The following SRBD1 variants were observed in gnomAD, a reference collection of about 807,000 sequenced individuals.
SRBD1 encodes S1 RNA-binding domain-containing protein 1.
SRBD1 carries 88 observed loss-of-function variants against 115.3 expected under a neutral mutation model. The ratio of observed to expected loss-of-function variants is 0.76; its 90% CI spans 0.64 to 0.91. SRBD1 has a LOEUF of 0.91. Among genes scored for constraint, SRBD1 ranks in the 40% least tolerant of loss-of-function variants. The pLI is 0.00. For synonymous variants in SRBD1, 509 were observed against 407.7 expected (o/e 1.25, Z -2.99); for missense variants, 1,385 against 1,177.4 (o/e 1.18, Z -2.58).
At chr2:45,560,237 G>A (rs1404034651) in intron 10 of SRBD1, among the ~76,000 whole-genome samples, 2 of 151,964 alleles carry the variant, frequency 1.3e-5, no homozygotes, top group Non-Finnish European at 2.9e-5. Flanking sequence ...AATAAGCCAT[G>A]GAAAAATAAA....
intron 19 of SRBD1, among the ~76,000 whole-genome samples, chr2:45,403,484 C>T (rs549513479): frequency 1.3e-5 from 2 of 152,082 alleles, no homozygotes; most frequent in East Asian, 1.9e-4. Context: ...CAAACATTGC[C>T]GTATCAGTAT....
Position 45,543,958 on chromosome 2 carries a change from C to A in SRBD1, c.1874+2774G>T, listed in dbSNP as rs150515800. Among the ~76,000 whole-genome samples the A allele has an allele frequency of 5.1e-3, 772 of 152,140 alleles. 1 individual carries two copies. Among genetic ancestry groups the A allele is most frequent in the Middle Eastern group, 0.014 (4 of 294 alleles). On this transcript the variant is annotated intron_variant, in intron 14 of 20. Coordinates refer to ENST00000263736, the MANE Select transcript of SRBD1 (RefSeq NM_018079.5). ...ACCATCCAAAGCAAGTCTTAAATTG[C>A]AACAAAATGGGGCTCTTCTGAAAGA...
intron 16 of SRBD1, among the ~76,000 whole-genome samples, chr2:45,446,376 G>A (rs986688431): frequency 6.6e-6 from 1 of 152,124 alleles, no homozygotes; most frequent in Non-Finnish European, 1.5e-5. Flanking sequence ...AGAGCAGGGA[G>A]TCCCCTAACC....
intron 4 of SRBD1, among the ~76,000 whole-genome samples, chr2:45,588,369 A>G (rs1011928411): frequency 6.6e-6 from 1 of 152,296 alleles, no homozygotes. Context: ...TTTGCTCTTA[A>G]GAGGCCTTCA....
At chr2:45,553,120 C>G (rs111533302) in intron 11 of SRBD1, among the ~76,000 whole-genome samples, 61 of 152,262 alleles carry the variant, frequency 4.0e-4, no homozygotes, top group African/African-American at 1.1e-3. Context: ...CATCTTCTGT[C>G]CTGAAAACAA....
intron 16 of SRBD1, among the ~76,000 whole-genome samples, chr2:45,461,168 T>C (rs766093371): frequency 3.9e-5 from 6 of 152,208 alleles, no homozygotes; most frequent in Non-Finnish European, 7.3e-5. Context: ...AATGTAGGGA[T>C]CTGAAGAGAA....
chr2:45,413,714 G>T (rs1667674373), intron 18 of SRBD1, among the ~76,000 whole-genome samples: 2 of 152,096 alleles, frequency 1.3e-5, no homozygotes, highest in Non-Finnish European at 1.5e-5. Context: ...GATCACCTGA[G>T]GTCAGGAGTT....
At chr2:45,396,061 G>A (rs958593239) in intron 19 of SRBD1, among the ~76,000 whole-genome samples, 1 of 151,938 alleles carries the variant, frequency 6.6e-6, no homozygotes, top group Admixed American at 6.6e-5. Context: ...GTCAGACATT[G>A]TTCTAAATAG....
chr2:45,396,080 C>T (rs560880828), intron 19 of SRBD1, among the ~76,000 whole-genome samples: 2 of 151,902 alleles, frequency 1.3e-5, no homozygotes, highest in African/African-American at 4.8e-5. Context: ...AGATTTTTCT[C>T]GTTTAATCAT....
chr2:45,577,135 T>G (rs1443363790), intron 7 of SRBD1, among the ~76,000 whole-genome samples: 1 of 152,226 alleles, frequency 6.6e-6, no homozygotes, highest in East Asian at 1.9e-4. Context: ...GAGCTACTTC[T>G]AGAGCAGTGG....
chr2:45,470,954 A>G (rs184876479), intron 16 of SRBD1, among the ~76,000 whole-genome samples: 2 of 152,296 alleles, frequency 1.3e-5, no homozygotes, highest in Admixed American at 6.5e-5. Flanking sequence ...TTGAAATAAT[A>G]TTATAGCTTC....
At chr2:45,441,042 T>A (rs73925662) in intron 16 of SRBD1, among the ~76,000 whole-genome samples, 1,654 of 152,332 alleles carry the variant, frequency 0.011, 27 homozygotes, top group African/African-American at 0.03. Context: ...TCTTCCCAAA[T>A]ACACATACAT....
At chr2:45,573,654 C>A (rs945670710) in intron 8 of SRBD1, among the ~76,000 whole-genome samples, 1 of 151,962 alleles carries the variant, frequency 6.6e-6, no homozygotes, top group Non-Finnish European at 1.5e-5. Context: ...TAGCTCTGAT[C>A]TAAATATCAG....
intron 16 of SRBD1, among the ~76,000 whole-genome samples, chr2:45,460,547 C>G (rs1239692551): frequency 1.3e-5 from 2 of 152,102 alleles, no homozygotes; most frequent in Non-Finnish European, 2.9e-5. Flanking sequence ...TATGGCTTCT[C>G]TATTATCTAT....
chr2:45,399,079 A>AG (rs1287919175), intron 19 of SRBD1, among the ~76,000 whole-genome samples: 2 of 150,620 alleles, frequency 1.3e-5, no homozygotes, highest in African/African-American at 4.9e-5. Flanking sequence ...GAGAACCAGA[A>AG]AAAAAAAAAT....
chr2:45,461,315 C>G (rs1057315757), intron 16 of SRBD1, among the ~76,000 whole-genome samples: 2 of 152,134 alleles, frequency 1.3e-5, no homozygotes, highest in Admixed American at 6.5e-5. Context: ...ATTTCCAAGT[C>G]TTCCTGTCTG....
chr2:45,455,929 C>A (rs566797852), intron 16 of SRBD1, among the ~76,000 whole-genome samples: 1 of 151,788 alleles, frequency 6.6e-6, no homozygotes, highest in Non-Finnish European at 1.5e-5. Flanking sequence ...CTTGTTAAAA[C>A]TGTAACATTG....
intron 10 of SRBD1, among the ~76,000 whole-genome samples, chr2:45,560,383 ATTGTCT>A (rs1386043580): frequency 6.6e-6 from 1 of 152,214 alleles, no homozygotes; most frequent in African/African-American, 2.4e-5. Context: ...TAAGCCAGAA[ATTGTCT>A]TTGTGATTTA....
intron 16 of SRBD1, 113 bp downstream of exon 16, chr2:45,476,880 A>G: frequency 2.1e-6 from 2 of 931,086 alleles, no homozygotes; most frequent in East Asian, 2.6e-5. Context: ...CACAAACTGT[A>G]TAACCTTGAA....
Sources: allele counts gnomAD v4.1 joint callset (sites outside exome capture counted in the v4.1 genomes callset), GRCh38; gene constraint gnomAD v4.1.1; transcripts MANE v1.5; gene names NCBI Gene and HGNC (gene_info 2026-07-23, HGNC 2026-07-21).